SHPRH: variants seen among roughly 807,000 people sequenced by gnomAD.
The protein encoded by SHPRH is E3 ubiquitin-protein ligase SHPRH.
SHPRH carries 106 observed loss-of-function variants against 202.5 expected under a neutral mutation model. The ratio of observed to expected loss-of-function variants is 0.52; its 90% CI spans 0.45 to 0.62. The LOEUF (loss-of-function observed/expected upper bound fraction) is 0.62. Among genes scored for constraint, SHPRH ranks in the 20% least tolerant of loss-of-function variants. The probability of loss-of-function intolerance (pLI) is 0.00; values close to 1 mark genes in which losing one functional copy is unlikely to be tolerated. For missense variants in SHPRH, 1,710 were observed against 2,020.0 expected, an observed-to-expected ratio of 0.85 and a Z score of 2.94; for synonymous variants, 729 against 686.0, an observed-to-expected ratio of 1.06 and a Z score of -0.98.
In SHPRH at chr6:145,923,717, C is replaced by G. The variant is rs1431049669; in HGVS notation, c.3471G>C (p.Glu1157Asp). 1 of 1,612,102 alleles carries G rather than the reference C, an allele frequency of 6.2e-7. No individual in the cohort carries two copies. Among genetic ancestry groups the G allele is most frequent in the Non-Finnish European group, 8.5e-7 (1 of 1,178,798 alleles). The change falls in exon 18 of 30, where the codon GAG becomes GAC. Residue 1157 changes from glutamate (E) to aspartate (D), a missense_variant. By Grantham distance (45) the Glu-to-Asp change is conservative. This residue lies in a region of SHPRH where 288 missense variants were observed against 317.8 expected (regional missense o/e 0.91). Transcript: ENST00000275233. The stretch of plus-strand genomic sequence containing the variant: ...TTTCATTTCGCACTCGCTGAACTAG[C>G]TCCTCATCAATAGTAAATTCTATTG... ...HRAIEFTIDEELVQRVRNEIT... is the reference protein window; with the variant it reads ...HRAIEFTIDEDLVQRVRNEIT...
chr6:145,924,550 G>C (rs1187657219), intron 17 of SHPRH, among the ~76,000 whole-genome samples, 189 bp downstream of exon 17: 1 of 151,870 alleles, frequency 6.6e-6, no homozygotes, highest in Non-Finnish European at 1.5e-5. Flanking sequence ...ACTTATTTAT[G>C]CATCTGTTCA....
chr6:145,941,392 G>A lies in SHPRH; in HGVS notation c.2490+231C>T, dbSNP rs571956506. Among the ~76,000 whole-genome samples, 172 of 152,108 alleles carry A rather than the reference G, an allele frequency of 1.1e-3. 2 individuals are homozygous for A. Among genetic ancestry groups the A allele is most frequent in the Non-Finnish European group, 1.1e-3 (78 of 68,012 alleles). On this transcript the variant is annotated intron_variant, in intron 10 of 29. Transcript: ENST00000275233. ...ATCATATATAAACAGACATCTTACT[G>A]AAAAATATATATTTCATATAGAGCA...
At chr6:145,928,342 T>C (rs1785086981) in intron 14 of SHPRH, among the ~76,000 whole-genome samples, 1 of 151,932 alleles carries the variant, frequency 6.6e-6, no homozygotes, top group Non-Finnish European at 1.5e-5. Flanking sequence ...AAATTATAAA[T>C]ACTATTAAAG....
downstream of SHPRH, among the ~76,000 whole-genome samples, chr6:145,880,001 A>C (rs1358002092): frequency 6.6e-6 from 1 of 151,900 alleles, no homozygotes; most frequent in Non-Finnish European, 1.5e-5. Flanking sequence ...GAAATTCTTC[A>C]CGCCTTCTCT....
At chr6:145,950,210 CTCTGATGTAATCTCTCTA>C in intron 4 of SHPRH, 36 bp downstream of exon 4, 1 of 1,495,950 alleles carries the variant, frequency 6.7e-7, no homozygotes, top group Non-Finnish European at 9.2e-7. Context: ...CCCTAATTGT[CTCTGATGTAATCTCTCTA>C]ATCAATTGGA....
At chr6:145,887,690 A>G (rs1386870031) in intron 29 of SHPRH, among the ~76,000 whole-genome samples, 1 of 152,078 alleles carries the variant, frequency 6.6e-6, no homozygotes, top group Non-Finnish European at 1.5e-5. Context: ...GCGTGTCACC[A>G]TGCCTGGCTA....
intron 11 of SHPRH, among the ~76,000 whole-genome samples, chr6:145,940,006 G>A (rs1786571506): frequency 6.6e-6 from 1 of 152,046 alleles, no homozygotes; most frequent in Non-Finnish European, 1.5e-5. Flanking sequence ...AACTTTTAGG[G>A]AAATACATAA....
Position 145,941,830 on chromosome 6 carries a change from A to C in SHPRH, c.2283T>G (p.Phe761Leu). The change falls in exon 10 of 30, where the codon TTT (phenylalanine) becomes TTG (leucine). Residue 761 changes from phenylalanine (F) to leucine (L), a missense_variant. Phe to Leu is a conservative substitution (Grantham distance 22, BLOSUM62 0). Transcript: ENST00000275233. Reference protein sequence around the residue: ...VKKDGFLQPHFLAEQDIVIIT... With the variant: ...VKKDGFLQPHLLAEQDIVIIT... ...TGATAACTATATCCTGTTCTGCCAA[A>C]AAATGAGGTTGTAAAAAGCCATCTT... 1 of 1,613,976 alleles carries C rather than the reference A, an allele frequency of 6.2e-7. No homozygotes were observed. The highest frequency in any genetic ancestry group is 8.5e-7 in the Non-Finnish European group (1 of 1,179,930).
intron 20 of SHPRH, among the ~76,000 whole-genome samples, chr6:145,921,767 A>G (rs56248445): frequency 8.4e-4 from 128 of 152,170 alleles, no homozygotes; most frequent in Middle Eastern, 3.4e-3. Context: ...TACTTCAGTA[A>G]TAACAGAAAA....
At chr6:145,961,552 A>G (rs58702332) in intron 1 of SHPRH, among the ~76,000 whole-genome samples, 6,135 of 152,274 alleles carry the variant, frequency 0.04, 415 homozygotes, top group African/African-American at 0.14. Flanking sequence ...ATATTACCAA[A>G]CCAGAAAACA....
At chr6:145,860,963 G>A (rs183413260), downstream of SHPRH, among the ~76,000 whole-genome samples, 134 of 151,930 alleles carry the variant, frequency 8.8e-4, no homozygotes, top group South Asian at 2.5e-3. Flanking sequence ...CATGAAAGTG[G>A]GCCCTATATA....
intron 4 of SHPRH, among the ~76,000 whole-genome samples, chr6:145,949,530 A>G (rs933962359): frequency 1.3e-5 from 2 of 152,108 alleles, no homozygotes; most frequent in African/African-American, 4.8e-5. Flanking sequence ...AGTGTGAGCT[A>G]AGCTATAAGT....
Position 145,954,947 on chromosome 6 carries a change from C to T in SHPRH, c.376G>A (p.Ala126Thr). ...LGELTLQLLP[A>T]QSLIENFSER... is the part of the protein sequence containing the mutation. ...GAAAAATTTTCAATTAAACTCTGTG[C>T]AGGAAGAAGCTGAAGAGTTAATTCT... is the stretch of plus-strand genomic sequence containing the variant. The change falls in exon 2 of 30, where the codon GCA becomes ACA. Residue 126 changes from alanine (A) to threonine (T), a missense_variant. By Grantham distance (58) the Ala-to-Thr change is moderately conservative. Around this residue, in one of 8 missense-constraint regions of SHPRH, gnomAD observed 459 missense variants for 426.5 expected, o/e 1.08. Coordinates refer to ENST00000275233, the MANE Select transcript of SHPRH (RefSeq NM_001042683.3). The T allele has an allele frequency of 1.2e-6, 2 of 1,613,718 alleles. No individual in the cohort carries two copies. Among genetic ancestry groups the T allele is most frequent in the Non-Finnish European group, 1.7e-6 (2 of 1,179,880 alleles).
intron 14 of SHPRH, among the ~76,000 whole-genome samples, chr6:145,929,348 T>C (rs1175303229): frequency 6.6e-6 from 1 of 151,954 alleles, no homozygotes; most frequent in Non-Finnish European, 1.5e-5. Context: ...ATAAAATGTG[T>C]TTAATACCAG....
chr6:145,865,970 G>A (rs1025310973), intron 2 of SHPRH, among the ~76,000 whole-genome samples: 7 of 152,162 alleles, frequency 4.6e-5, no homozygotes, highest in African/African-American at 1.7e-4. Context: ...TCACATCCAG[G>A]CCCTATTTGG....
At chr6:145,940,135 C>A (rs9403757) in intron 11 of SHPRH, among the ~76,000 whole-genome samples, 2 of 151,834 alleles carry the variant, frequency 1.3e-5, no homozygotes, top group African/African-American at 4.8e-5. Context: ...TTTCAATGCA[C>A]GTGTGGAGAG....
At chr6:145,873,686 G>T (rs1780158800) in intron 2 of SHPRH, among the ~76,000 whole-genome samples, 2 of 119,414 alleles carry the variant, frequency 1.7e-5, no homozygotes, top group African/African-American at 6.8e-5. Flanking sequence ...CTCAGTAACA[G>T]TTGCTAGAGG....
At chr6:145,923,135 TC>T (rs1274191971) in intron 18 of SHPRH, among the ~76,000 whole-genome samples, 1 of 151,902 alleles carries the variant, frequency 6.6e-6, no homozygotes, top group Admixed American at 6.6e-5. Flanking sequence ...GCCACATTCT[TC>T]CGTTTTAAGC....
At chr6:145,930,224 CAA>C (rs1297387046) in intron 14 of SHPRH, among the ~76,000 whole-genome samples, 1 of 152,058 alleles carries the variant, frequency 6.6e-6, no homozygotes, top group Non-Finnish European at 1.5e-5. Flanking sequence ...ACGGGCTACT[CAA>C]AGAGGCTTAA....
Sources: gnomAD v4.1 joint callset for allele counts (sites outside exome capture counted in the v4.1 genomes callset) on GRCh38, gnomAD v4.1.1 for gene constraint, gnomAD v4.1.1 regional missense constraint, MANE v1.5 for transcripts, NCBI Gene and HGNC (gene_info 2026-07-23, HGNC 2026-07-21) for gene names.